The following RBM33 variants were observed in gnomAD, a reference collection of about 807,000 sequenced individuals.
RBM33 encodes the protein RNA-binding protein 33.
In RBM33, 28 loss-of-function variants were observed where a neutral mutation model predicts 132.6. The observed-to-expected ratio is 0.21, with a 90% confidence interval of 0.16 to 0.29. The LOEUF is 0.29. Ranked by LOEUF, RBM33 falls within the 10% of genes least tolerant of loss-of-function variation. The pLI is 1.00. For missense variants in RBM33, 1,291 were observed against 1,518.5 expected, an observed-to-expected ratio of 0.85 and a Z score of 2.49; for synonymous variants, 634 against 593.0, an observed-to-expected ratio of 1.07 and a Z score of -1.01.
rs182753002 is a variant in RBM33, at chr7:155,740,681, C to T, written c.2049+655C>T. ...GAAAATAAAAGGCCACAGTCATTGC[C>T]CTTGTCCTCCATTAAATACATATAA... On this transcript the variant is annotated intron_variant, in intron 12 of 17. Transcript: ENST00000401878. Among the ~76,000 whole-genome samples the T allele has an allele frequency of 1.7e-3, 259 of 152,290 alleles. 3 individuals carry two copies. The highest frequency in any genetic ancestry group is 0.015 in the Admixed American group (233 of 15,298).
At chr7:155,658,412 G>A (rs185493976) in intron 1 of RBM33, among the ~76,000 whole-genome samples, 1,767 of 145,060 alleles carry the variant, frequency 0.012, 47 homozygotes, top group African/African-American at 0.043. Flanking sequence ...TTTTGAGACG[G>A]AGTGTCTCTC....
intron 1 of RBM33, among the ~76,000 whole-genome samples, chr7:155,661,130 G>T (rs2362377): frequency 1.2e-5 from 1 of 85,710 alleles, no homozygotes; most frequent in Non-Finnish European, 2.2e-5. Context: ...GTGTGTGTGT[G>T]TATATATATA....
intron 7 of RBM33, among the ~76,000 whole-genome samples, chr7:155,708,815 C>A (rs1484634506): frequency 6.6e-6 from 1 of 152,214 alleles, no homozygotes; most frequent in Non-Finnish European, 1.5e-5. Flanking sequence ...TAAGCTTTCT[C>A]CATCCTATTC....
chr7:155,766,830 G>A (rs35273790), intron 16 of RBM33, 175 bp downstream of exon 16: 74,075 of 644,820 alleles, frequency 0.11, 5,173 homozygotes, highest in East Asian at 0.28. Context: ...TGCCTCAAAC[G>A]TTTATTTTGA....
intron 14 of RBM33, among the ~76,000 whole-genome samples, chr7:155,759,980 C>A (rs1801982443): frequency 6.6e-6 from 1 of 152,088 alleles, no homozygotes; most frequent in African/African-American, 2.4e-5. Context: ...GAAAGTTGGC[C>A]TTTTATTATC....
chr7:155,650,992 C>T lies in RBM33; in HGVS notation c.43+6073C>T, dbSNP rs1471777425. On this transcript the variant is annotated intron_variant, in intron 1 of 17. Coordinates refer to ENST00000401878, the MANE Select transcript of RBM33 (RefSeq NM_053043.3). ...TCTTGGGTTCAAGCGATTCTTCAGC[C>T]TCAGCCTCTCAAGTAGCTGGGATTA... Among the ~76,000 whole-genome samples the T allele has an allele frequency of 3.3e-5, 5 of 152,294 alleles. No individual in the cohort carries two copies. The East Asian group carries it at 9.7e-4, about 29-fold the overall frequency.
rs1802117865 is a variant in RBM33 at position 155,763,822 on chromosome 7, G to A, written c.2990G>A (p.Ser997Asn). 1 of 1,610,270 alleles carries A rather than the reference G, an allele frequency of 6.2e-7. No individual in the cohort carries two copies. The highest frequency in any genetic ancestry group is 1.7e-5 in the Admixed American group (1 of 59,490). Residue 997 changes from serine to asparagine, a missense_variant, in exon 15 of 18, where the codon AGC (serine) becomes AAC (asparagine). This residue lies in a region of RBM33 where 841 missense variants were observed against 912.0 expected (regional missense o/e 0.92). Coordinates refer to ENST00000401878, the MANE Select transcript of RBM33 (RefSeq NM_053043.3). ...TCTTGGTTTCAGCAGGGAGGAGAGA[G>A]CGATGGCTTTTTTCACCCAGAAGGC... ...VIKLSGGGGE[S>N]DGFFHPEGQP...
intron 15 of RBM33, 45 bp from the exon 16 acceptor site, chr7:155,766,422 A>G: frequency 6.3e-7 from 1 of 1,595,616 alleles, no homozygotes; most frequent in Non-Finnish European, 8.6e-7. Flanking sequence ...CTATCGAAGA[A>G]GCTCAGGCTT....
Position 155,739,881 on chromosome 7 carries a change from A to G in RBM33, c.1904A>G (p.His635Arg). 1 of 1,306,496 alleles carries G rather than the reference A, an allele frequency of 7.7e-7. No individual in the cohort carries two copies. Among genetic ancestry groups the G allele is most frequent in the Non-Finnish European group, 1.0e-6 (1 of 982,500 alleles). The allele number at this position is 1,306,496 out of a possible 1,614,324, so 80.9% of individuals were successfully genotyped here. Reference sequence around the variant, plus strand: ...CCACAGCACCCGCCGCAGCACCAGCACCACCACCACCACCACCACCTGTCC... The same window carrying G: ...CCACAGCACCCGCCGCAGCACCAGCGCCACCACCACCACCACCACCTGTCC... The part of the protein sequence containing the change: ...HPPQHPPQHQ[H>R]HHHHHHLSVP... The change falls in exon 12 of 18, where the codon CAC (histidine) becomes CGC (arginine). Residue 635 changes from histidine to arginine, a missense_variant. Transcript: ENST00000401878.
chr7:155,719,910 A>C (rs1800570830), intron 9 of RBM33, among the ~76,000 whole-genome samples: 1 of 152,214 alleles, frequency 6.6e-6, no homozygotes, highest in African/African-American at 2.4e-5. Flanking sequence ...ACTAATATAA[A>C]CTTAGAATAG....
At chr7:155,723,793 A>G (rs540405886) in intron 9 of RBM33, among the ~76,000 whole-genome samples, 2 of 152,338 alleles carry the variant, frequency 1.3e-5, no homozygotes, top group South Asian at 2.1e-4. Flanking sequence ...CTGTTGAGCT[A>G]CTTTGTAAAA....
At chr7:155,671,623 G>T (rs2116902531) in intron 2 of RBM33, among the ~76,000 whole-genome samples, 1 of 152,178 alleles carries the variant, frequency 6.6e-6, no homozygotes, top group African/African-American at 2.4e-5. Context: ...GTAAAATAAT[G>T]GTTTTGCTGA....
chr7:155,768,703 G>A (rs901271501), intron 16 of RBM33, among the ~76,000 whole-genome samples: 1 of 152,240 alleles, frequency 6.6e-6, no homozygotes, highest in South Asian at 2.1e-4. Context: ...CGCAACCTCC[G>A]CCTCCCGGGT....
intron 6 of RBM33, among the ~76,000 whole-genome samples, chr7:155,704,530 A>T (rs1800059689): frequency 1.3e-5 from 2 of 152,190 alleles, no homozygotes. Context: ...GGTGTCACTG[A>T]CCAGTGTCCC....
intron 13 of RBM33, 92 bp from the exon 14 acceptor site, chr7:155,744,869 C>CT: frequency 8.1e-7 from 1 of 1,232,108 alleles, no homozygotes; most frequent in Non-Finnish European, 1.1e-6. Flanking sequence ...AATTAAAGGA[C>CT]TTGTGGTAAA....
chr7:155,768,983 G>GGT (rs1462852849), intron 16 of RBM33, among the ~76,000 whole-genome samples: 3 of 152,260 alleles, frequency 2.0e-5, no homozygotes, highest in Non-Finnish European at 4.4e-5. Flanking sequence ...GCAGTGATGT[G>GGT]GTAGCCAGTT....
rs958613852 is a variant in RBM33, at chr7:155,718,511, G to A, written c.1260+68G>A. On this transcript the variant is annotated intron_variant, in intron 9 of 17. Transcript: ENST00000401878. ...ACATTTACTAAGAAATATTAATATA[G>A]CAAGTGCAAGAGGTTCCAGCCAAAT... The A allele has an allele frequency of 1.7e-5, 22 of 1,292,376 alleles. No homozygotes were observed. In the East Asian group the frequency reaches 4.2e-4, roughly 24 times the overall value. 80.1% of individuals were successfully genotyped at this position (1,292,376 alleles called of 1,614,324 possible).
At position 155,689,778 on chromosome 7, in the gene RBM33, C is replaced by T. The variant is rs530781430; in HGVS notation, c.567+8870C>T. ...GTTGTTCAGTTTCCATGTAGTTGAGCGGTTTTGAGTGAGTTTCTTAATCCT... is the reference window on the plus strand; with the variant it reads ...GTTGTTCAGTTTCCATGTAGTTGAGTGGTTTTGAGTGAGTTTCTTAATCCT... On this transcript the variant is annotated intron_variant, in intron 5 of 17. Coordinates refer to ENST00000401878, the MANE Select transcript of RBM33 (RefSeq NM_053043.3). Among the ~76,000 whole-genome samples, 14 of 152,248 alleles carry T rather than the reference C, an allele frequency of 9.2e-5. No individual in the cohort carries two copies. The South Asian group carries it at 1.5e-3, about 16-fold the overall frequency.
intron 1 of RBM33, among the ~76,000 whole-genome samples, chr7:155,653,482 G>A (rs539834425): frequency 6.6e-6 from 1 of 151,946 alleles, no homozygotes; most frequent in African/African-American, 2.4e-5. Flanking sequence ...TAGCGGGGGT[G>A]GGGGCCCTAG....
Sources: allele counts gnomAD v4.1 joint callset (sites outside exome capture counted in the v4.1 genomes callset), GRCh38; gene constraint gnomAD v4.1.1; regional missense constraint gnomAD v4.1.1; transcripts MANE v1.5; gene names NCBI Gene and HGNC (gene_info 2026-07-23, HGNC 2026-07-21).